CARMIL1: variants seen among roughly 807,000 people sequenced by gnomAD.
The protein encoded by CARMIL1 is F-actin-uncapping protein LRRC16A.
CARMIL1 carries 90 observed loss-of-function variants against 177.1 expected under a neutral mutation model. The observed-to-expected ratio is 0.51, with a 90% CI of 0.43 to 0.61. The LOEUF (loss-of-function observed/expected upper bound fraction) is 0.61. CARMIL1 is among the 20% of genes least tolerant of loss of function. The pLI, the probability that CARMIL1 is intolerant of heterozygous loss-of-function variation, is 0.00. For missense variants in CARMIL1, 1,380 were observed against 1,667.0 expected, an observed-to-expected ratio of 0.83 and a Z score of 3.00; for synonymous variants, 577 against 606.2, an observed-to-expected ratio of 0.95 and a Z score of 0.71.
chr6:25,420,033 A>G lies in CARMIL1; in HGVS notation c.139-81A>G, dbSNP rs1443264611. ...TGTGGCCTTCTGAGGTTTCAGTATCATTAAAGTCCCGTGGAAACACCAAAG... is the reference window on the plus strand; with the variant it reads ...TGTGGCCTTCTGAGGTTTCAGTATCGTTAAAGTCCCGTGGAAACACCAAAG... On this transcript the variant is annotated intron_variant, in intron 2 of 36. Transcript: ENST00000329474. 2.8e-6 allele frequency: 3 copies of G among 1,064,630 alleles called. No individual in the cohort carries two copies. The Admixed American group carries it at 5.1e-5, about 18-fold the overall frequency. The allele number at this position is 1,064,630 out of a possible 1,614,324, so 65.9% of individuals were successfully genotyped here. A position where few individuals can be genotyped will look rare whatever the true frequency, so the allele number is the denominator to read the frequency against.
chr6:25,439,821 G>A (rs1250784257), intron 5 of CARMIL1, among the ~76,000 whole-genome samples: 1 of 152,124 alleles, frequency 6.6e-6, no homozygotes, highest in Non-Finnish European at 1.5e-5. Flanking sequence ...GGATTACGGG[G>A]GATTTCTGTT....
chr6:25,386,881 A>G (rs1024642323), intron 2 of CARMIL1, among the ~76,000 whole-genome samples: 1 of 151,972 alleles, frequency 6.6e-6, no homozygotes, highest in African/African-American at 2.4e-5. Flanking sequence ...TAATCCTAGC[A>G]CTTTGGGAGG....
intron 2 of CARMIL1, among the ~76,000 whole-genome samples, chr6:25,285,716 CTG>C (rs1781470208): frequency 2.0e-5 from 3 of 152,066 alleles, no homozygotes; most frequent in Admixed American, 2.0e-4. Flanking sequence ...ATATCGAACT[CTG>C]TGTACCTGTC....
intron 25 of CARMIL1, among the ~76,000 whole-genome samples, chr6:25,539,018 G>A (rs1374204381): frequency 1.3e-5 from 2 of 151,934 alleles, no homozygotes; most frequent in African/African-American, 4.8e-5. Context: ...GAACTCCCCC[G>A]AAGCTCCCCT....
chr6:25,467,651 G>T (rs1800737945), intron 9 of CARMIL1, among the ~76,000 whole-genome samples: 1 of 152,140 alleles, frequency 6.6e-6, no homozygotes, highest in African/African-American at 2.4e-5. Context: ...AATCATTTCA[G>T]TCCTGGCAAA....
intron 8 of CARMIL1, among the ~76,000 whole-genome samples, chr6:25,461,655 T>G (rs979728533): frequency 5.3e-5 from 8 of 152,248 alleles, no homozygotes; most frequent in Non-Finnish European, 1.2e-4. Flanking sequence ...CATTTTTATG[T>G]GAACATAAAT....
chr6:25,471,212 C>G lies in CARMIL1; in HGVS notation c.734C>G (p.Ser245Cys). Residue 245 changes from serine (S) to cysteine (C), a missense_variant, in exon 10 of 37, where the codon TCC (serine) becomes TGC (cysteine). Coordinates refer to ENST00000329474, the MANE Select transcript of CARMIL1 (RefSeq NM_017640.6). ...CEQILRVVSRSNRLEELVLEN... is the reference protein window; with the variant it reads ...CEQILRVVSRCNRLEELVLEN... ...CAGATCTTGAGGGTGGTGAGTAGGT[C>G]CAATCGACTGGAAGAATTGGTGTTG... 1 of 1,613,150 alleles carries G rather than the reference C, an allele frequency of 6.2e-7. No individual in the cohort carries two copies. Among genetic ancestry groups the G allele is most frequent in the Non-Finnish European group, 8.5e-7 (1 of 1,179,472 alleles).
chr6:25,473,285 G>A (rs1801242423), intron 11 of CARMIL1, among the ~76,000 whole-genome samples: 1 of 152,238 alleles, frequency 6.6e-6, no homozygotes. Flanking sequence ...TCTCATTACT[G>A]TTGACCCTTG....
At chr6:25,450,831 TTCCCTCCCCTC>T (rs1798773539) in intron 8 of CARMIL1, 120 bp downstream of exon 8, 6 of 342,344 alleles carry the variant, frequency 1.8e-5, no homozygotes, top group African/African-American at 3.6e-5. Context: ...TTCCCTCCCC[TTCCCTCCCCTC>T]CCCTTCCCTC....
At chr6:25,489,031 G>A (rs1222447780) in intron 13 of CARMIL1, among the ~76,000 whole-genome samples, 3 of 152,084 alleles carry the variant, frequency 2.0e-5, no homozygotes, top group Non-Finnish European at 2.9e-5. Flanking sequence ...CAAGCATGGT[G>A]GCACTTGCCT....
intron 17 of CARMIL1, among the ~76,000 whole-genome samples, chr6:25,503,624 A>C (rs544390029): frequency 6.6e-6 from 1 of 152,312 alleles, no homozygotes; most frequent in African/African-American, 2.4e-5. Flanking sequence ...ATGAATATGT[A>C]TATTTTCTTT....
At chr6:25,610,315 T>C in intron 36 of CARMIL1, 134 bp downstream of exon 36, 1 of 1,053,428 alleles carries the variant, frequency 9.5e-7, no homozygotes, top group Non-Finnish European at 1.3e-6. Context: ...GGTTAAATTT[T>C]TGGAAATGGA....
chr6:25,280,692 T>C (rs1439384093), intron 1 of CARMIL1, among the ~76,000 whole-genome samples: 2 of 150,894 alleles, frequency 1.3e-5, no homozygotes, highest in African/African-American at 4.9e-5. Flanking sequence ...GATGGGAGAG[T>C]GTTCTGAAAA....
chr6:25,412,587 AGG>A (rs1795007058), intron 2 of CARMIL1, among the ~76,000 whole-genome samples: 1 of 152,192 alleles, frequency 6.6e-6, no homozygotes, highest in Non-Finnish European at 1.5e-5. Flanking sequence ...TAAAGAGAAA[AGG>A]AGGAAATTGA....
At chr6:25,422,957 G>A (rs1795978878) in intron 3 of CARMIL1, among the ~76,000 whole-genome samples, 1 of 152,114 alleles carries the variant, frequency 6.6e-6, no homozygotes, top group Admixed American at 6.5e-5. Flanking sequence ...TTGAACATTG[G>A]TTCTGATTTC....
At chr6:25,455,499 T>C (rs1399983816) in intron 8 of CARMIL1, among the ~76,000 whole-genome samples, 3 of 152,126 alleles carry the variant, frequency 2.0e-5, no homozygotes, top group African/African-American at 7.2e-5. Flanking sequence ...TAAGGGATGG[T>C]GAGTGATCTG....
intron 2 of CARMIL1, among the ~76,000 whole-genome samples, chr6:25,291,007 T>C (rs1017368882): frequency 6.6e-6 from 1 of 152,142 alleles, no homozygotes; most frequent in Non-Finnish European, 1.5e-5. Context: ...AGAGACAGTC[T>C]CATTATTTTG....
chr6:25,476,710 T>A (rs1801604799), intron 11 of CARMIL1, among the ~76,000 whole-genome samples: 1 of 152,084 alleles, frequency 6.6e-6, no homozygotes, highest in Non-Finnish European at 1.5e-5. Context: ...TTAAAACTAA[T>A]AAAAAGGGTG....
intron 12 of CARMIL1, among the ~76,000 whole-genome samples, chr6:25,483,319 A>G (rs11760034): frequency 6.6e-6 from 1 of 152,190 alleles, no homozygotes; most frequent in Non-Finnish European, 1.5e-5. Flanking sequence ...CTGTAGTCAG[A>G]TTGCCGAAGG....
Sources: gnomAD v4.1 joint callset for allele counts (sites outside exome capture counted in the v4.1 genomes callset) on GRCh38, gnomAD v4.1.1 for gene constraint, MANE v1.5 for transcripts, NCBI Gene and HGNC (gene_info 2026-07-23, HGNC 2026-07-21) for gene names.